SGTB: variants seen among roughly 807,000 people sequenced by gnomAD.
SGTB encodes small glutamine rich tetratricopeptide repeat co-chaperone beta.
SGTB carries 19 observed loss-of-function variants against 43.9 expected under a neutral mutation model. The ratio of observed to expected loss-of-function variants is 0.43; its 90% CI spans 0.30 to 0.63. The LOEUF is 0.63. Among genes scored for constraint, SGTB ranks in the 30% least tolerant of loss-of-function variants. The pLI, the probability that SGTB is intolerant of heterozygous loss-of-function variation, is 0.12. For missense variants in SGTB, 304 were observed against 358.9 expected, an observed-to-expected ratio of 0.85 and a Z score of 1.24; for synonymous variants, 116 against 117.3, an observed-to-expected ratio of 0.99 and a Z score of 0.07.
intron 3 of SGTB, among the ~76,000 whole-genome samples, chr5:65,712,246 G>A (rs887270914): frequency 1.3e-5 from 2 of 152,276 alleles, no homozygotes; most frequent in East Asian, 1.9e-4. Context: ...TAGACTGCAG[G>A]CTGGGTGACA....
chr5:65,721,045 G>A (rs1758263871), intron 1 of SGTB, among the ~76,000 whole-genome samples: 1 of 152,122 alleles, frequency 6.6e-6, no homozygotes, highest in South Asian at 2.1e-4. Context: ...ATACCCAGTG[G>A]TATACGAGTA....
chr5:65,697,569 G>A (rs1046757392), intron 5 of SGTB, among the ~76,000 whole-genome samples: 8 of 152,128 alleles, frequency 5.3e-5, no homozygotes, highest in African/African-American at 1.9e-4. Context: ...AAATTAATCT[G>A]ATTACACAGA....
At chr5:65,716,333 T>C (rs1758149449) in intron 2 of SGTB, among the ~76,000 whole-genome samples, 1 of 152,302 alleles carries the variant, frequency 6.6e-6, no homozygotes, top group Non-Finnish European at 1.5e-5. Flanking sequence ...CTTTAAACAA[T>C]GTTTTGAGTA....
At chr5:65,685,512 CA>C (rs765369244) in intron 5 of SGTB, 40 bp from the exon 6 acceptor site, 2 of 1,575,392 alleles carry the variant, frequency 1.3e-6, no homozygotes, top group Non-Finnish European at 1.7e-6. Context: ...AGGCAGTTTT[CA>C]AGGCACTAAT....
intron 4 of SGTB, among the ~76,000 whole-genome samples, chr5:65,705,555 C>CAGAAACT (rs1757914898): frequency 6.6e-6 from 1 of 152,110 alleles, no homozygotes; most frequent in Non-Finnish European, 1.5e-5. Context: ...TTTTCTTAAA[C>CAGAAACT]CAGAAACTCT....
rs1410163333 is a variant in SGTB, at chr5:65,695,069, G to GA, written c.374+9209dup. ...ATTAGATGATCAATTTCACATCTTA[G>GA]AAAAAAAACGTCTTGGCAGAAGACA... On this transcript the variant is annotated intron_variant, in intron 5 of 10. Transcript: ENST00000381007. Among the ~76,000 whole-genome samples the GA allele has an allele frequency of 2.0e-5, 3 of 151,914 alleles. No homozygotes were observed. In the South Asian group the frequency reaches 6.2e-4, roughly 31 times the overall value.
chr5:65,679,779 G>C (rs1270837343), intron 8 of SGTB, among the ~76,000 whole-genome samples: 2 of 152,214 alleles, frequency 1.3e-5, no homozygotes, highest in African/African-American at 2.4e-5. Flanking sequence ...CCTAGAAGCA[G>C]AAATACCATT....
upstream of SGTB, chr5:65,722,142 C>A (rs947794083): frequency 1.4e-4 from 29 of 205,650 alleles, no homozygotes; most frequent in Non-Finnish European, 2.4e-4. Context: ...GGGCCGGACG[C>A]GAGGGCTGGG....
rs142255327 is a variant in SGTB, at chr5:65,682,368, A to C, written c.480-1574T>G. ...TCTGGTTGCAATGGAGTCACATGAT[A>C]CAATTTGTGCTTTTGAAAGCTCACT... is the stretch of plus-strand genomic sequence containing the variant. On this transcript the variant is annotated intron_variant, in intron 6 of 10. Coordinates refer to ENST00000381007, the MANE Select transcript of SGTB (RefSeq NM_019072.3). Among the ~76,000 whole-genome samples, 1,151 of 152,324 alleles carry C rather than the reference A, an allele frequency of 7.6e-3. 10 individuals carry two copies. The highest frequency in any genetic ancestry group is 0.01 in the Non-Finnish European group (690 of 68,030).
rs1163941141 is a variant in SGTB at position 65,685,462 on chromosome 5, G to A, written c.385C>T (p.Gln129Ter). ...TCTGTGTAGTGACCTAATTTGCTCT[G>A]AGCAGCAGCCCTAAGAGAAAGAAAA... ...AVYYCNRAAAQSKLGHYTDAI... is the reference protein window; with the variant it reads ...AVYYCNRAAA Residue 129 changes from glutamine (Q) to a stop codon, truncating the protein, a stop_gained, in exon 6 of 11, where the codon CAG becomes TAG. Coordinates refer to ENST00000381007, the MANE Select transcript of SGTB (RefSeq NM_019072.3). LOFTEE classifies it high-confidence loss of function. 6.2e-7 allele frequency: 1 copy of A among 1,613,842 alleles called. No homozygotes were observed. The highest frequency in any genetic ancestry group is 8.5e-7 in the Non-Finnish European group (1 of 1,179,928).
In SGTB at chr5:65,721,981, C is replaced by G. The variant is rs1487206260; in HGVS notation, c.-87G>C. On this transcript the variant is annotated 5_prime_UTR_variant, in exon 1 of 11. Transcript: ENST00000381007. Reference sequence around the variant, plus strand: ...GGTTCCGTAGGCAGGCCCGCCCGACCCCTGGTCCTCGGGGCTGGAGCCCGG... The same window carrying G: ...GGTTCCGTAGGCAGGCCCGCCCGACGCCTGGTCCTCGGGGCTGGAGCCCGG... The G allele has an allele frequency of 2.0e-5, 3 of 152,802 alleles. No individual in the cohort carries two copies. The highest frequency in any genetic ancestry group is 2.4e-5 in the African/African-American group (1 of 41,474). The allele number at this position is 152,802 out of a possible 1,614,324, so 9.5% of individuals were successfully genotyped here.
intron 5 of SGTB, among the ~76,000 whole-genome samples, chr5:65,691,441 G>A (rs903764810): frequency 2.6e-5 from 4 of 151,642 alleles, no homozygotes; most frequent in Admixed American, 6.6e-5. Flanking sequence ...TATTTTTTTT[G>A]AGACAGTCTT....
At chr5:65,716,683 G>A (rs987688035) in intron 2 of SGTB, among the ~76,000 whole-genome samples, 11 of 152,082 alleles carry the variant, frequency 7.2e-5, no homozygotes, top group Admixed American at 5.2e-4. Context: ...ATTTTGGGTG[G>A]GGGAATCAGA....
At chr5:65,702,249 C>T (rs1319898567) in intron 5 of SGTB, among the ~76,000 whole-genome samples, 1 of 151,912 alleles carries the variant, frequency 6.6e-6, no homozygotes, top group South Asian at 2.1e-4. Context: ...AGTCCAATAC[C>T]GAAGGTCCCC....
chr5:65,677,761 T>C (rs2150704801), intron 8 of SGTB, among the ~76,000 whole-genome samples: 1 of 152,320 alleles, frequency 6.6e-6, no homozygotes, highest in Non-Finnish European at 1.5e-5. Context: ...TCTCAATAGA[T>C]GCTGAAGAGG....
chr5:65,707,366 TC>T (rs1757952319), intron 4 of SGTB, among the ~76,000 whole-genome samples: 1 of 150,692 alleles, frequency 6.6e-6, no homozygotes, highest in African/African-American at 2.4e-5. Context: ...TTGTTTCATA[TC>T]CACCTTTTTA....
chr5:65,722,699 G>A (rs1488838283), upstream of SGTB: 1 of 468,046 alleles, frequency 2.1e-6, no homozygotes, highest in Non-Finnish European at 3.8e-6. Flanking sequence ...CAAAATGAAT[G>A]CAAATAGTTT....
intron 10 of SGTB, 68 bp from the exon 11 acceptor site, chr5:65,670,425 T>C: frequency 3.0e-6 from 4 of 1,343,478 alleles, no homozygotes; most frequent in Admixed American, 3.7e-5. Flanking sequence ...CAAAAAGAAA[T>C]GCAGAAAATG....
intron 2 of SGTB, among the ~76,000 whole-genome samples, chr5:65,714,426 G>A (rs1276744587): frequency 1.3e-5 from 2 of 152,128 alleles, no homozygotes; most frequent in Non-Finnish European, 2.9e-5. Flanking sequence ...TGCTGATAGG[G>A]GCCTTGTCTA....
Sources: allele counts gnomAD v4.1 joint callset (sites outside exome capture counted in the v4.1 genomes callset), GRCh38; gene constraint gnomAD v4.1.1; transcripts MANE v1.5; gene names NCBI Gene and HGNC (gene_info 2026-07-23, HGNC 2026-07-21).